The following KCNQ5 variants were observed in gnomAD, a reference collection of about 807,000 sequenced individuals.
KCNQ5 encodes the protein potassium voltage-gated channel subfamily Q member 5, also known as potassium voltage-gated channel subfamily KQT member 5.
Under a neutral mutation model 98.2 loss-of-function variants are expected in KCNQ5, and 30 were observed. The ratio of observed to expected loss-of-function variants is 0.31; its 90% CI spans 0.23 to 0.41. KCNQ5 has a LOEUF of 0.41. Among genes scored for constraint, KCNQ5 ranks in the 10% least tolerant of loss-of-function variants. KCNQ5 has a pLI of 1.00. For synonymous variants in KCNQ5, 458 were observed against 449.4 expected, an observed-to-expected ratio of 1.02 and a Z score of -0.24; for missense variants, 835 against 1,182.5, an observed-to-expected ratio of 0.71 and a Z score of 4.31.
At chr6:72,696,461 G>T (rs1451251686) in intron 1 of KCNQ5, among the ~76,000 whole-genome samples, 2 of 152,102 alleles carry the variant, frequency 1.3e-5, no homozygotes. Flanking sequence ...TTAAATGAGT[G>T]TATTAGGCTT....
intron 1 of KCNQ5, among the ~76,000 whole-genome samples, chr6:72,897,307 G>A (rs921509766): frequency 6.6e-6 from 1 of 152,068 alleles, no homozygotes; most frequent in Non-Finnish European, 1.5e-5. Flanking sequence ...TTGGGAGGCC[G>A]AGGCGGGTAG....
chr6:72,843,781 C>G (rs889296901), intron 1 of KCNQ5, among the ~76,000 whole-genome samples: 1 of 152,152 alleles, frequency 6.6e-6, no homozygotes, highest in Admixed American at 6.5e-5. Flanking sequence ...AGACTTGGAA[C>G]CAGCCCAAAT....
chr6:73,180,294 G>T (rs1159272089), intron 11 of KCNQ5, among the ~76,000 whole-genome samples: 1 of 152,154 alleles, frequency 6.6e-6, no homozygotes, highest in Non-Finnish European at 1.5e-5. Flanking sequence ...CAACGTCATA[G>T]GTACTCAATG....
intron 1 of KCNQ5, among the ~76,000 whole-genome samples, chr6:72,770,594 A>G (rs1772815989): frequency 6.6e-6 from 1 of 152,156 alleles, no homozygotes; most frequent in Admixed American, 6.6e-5. Context: ...TGAAATCAAT[A>G]ATTATTTCGA....
intron 3 of KCNQ5, among the ~76,000 whole-genome samples, chr6:73,070,516 G>A (rs1363807775): frequency 1.3e-5 from 2 of 152,100 alleles, no homozygotes; most frequent in Non-Finnish European, 2.9e-5. Flanking sequence ...TCTTACTTGT[G>A]TAATAGTCCA....
intron 1 of KCNQ5, among the ~76,000 whole-genome samples, chr6:72,687,619 G>T (rs1768019337): frequency 6.6e-6 from 1 of 152,198 alleles, no homozygotes; most frequent in Admixed American, 6.5e-5. Context: ...AAGCATACTT[G>T]AAGTGCTAGG....
rs564870445 is a variant in KCNQ5, at chr6:73,088,155, G to T, written c.918+10268G>T. On this transcript the variant is annotated intron_variant, in intron 5 of 13. Coordinates refer to ENST00000370398, the MANE Select transcript of KCNQ5 (RefSeq NM_019842.4). ...CCCTGCCTCACCCTCCTGAGTAGCT[G>T]GGATTACAGGCATGCACCACCACAC... Among the ~76,000 whole-genome samples the T allele has an allele frequency of 1.8e-3, 268 of 151,602 alleles. 4 individuals are homozygous for T. In the South Asian group the frequency reaches 0.023, roughly 13 times the overall value.
chr6:72,941,549 T>C (rs1276910504), intron 1 of KCNQ5, among the ~76,000 whole-genome samples: 2 of 67,986 alleles, frequency 2.9e-5, no homozygotes, highest in Non-Finnish European at 7.6e-5. Context: ...CTTCCTTTCC[T>C]TCTTCCCTCC....
At chr6:72,944,457 G>C (rs1008259751) in intron 1 of KCNQ5, among the ~76,000 whole-genome samples, 1 of 151,984 alleles carries the variant, frequency 6.6e-6, no homozygotes, top group Non-Finnish European at 1.5e-5. Context: ...ATTATTTCAG[G>C]ACCTATTCTA....
chr6:72,665,360 A>AAT (rs1766757767), intron 1 of KCNQ5, among the ~76,000 whole-genome samples: 1 of 150,596 alleles, frequency 6.6e-6, no homozygotes, highest in Non-Finnish European at 1.5e-5. Flanking sequence ...AAAAAAAAAA[A>AAT]TCTCAGTTTT....
intron 1 of KCNQ5, among the ~76,000 whole-genome samples, chr6:72,863,070 A>C (rs1402282637): frequency 6.6e-6 from 1 of 152,214 alleles, no homozygotes; most frequent in African/African-American, 2.4e-5. Flanking sequence ...CTTATGGCAG[A>C]CTAAATGACT....
chr6:72,649,263 G>A (rs1023436136), intron 1 of KCNQ5, among the ~76,000 whole-genome samples: 2 of 152,112 alleles, frequency 1.3e-5, no homozygotes, highest in South Asian at 2.1e-4. Context: ...GAATCTCTAC[G>A]TATTTTAAAA....
In KCNQ5 at chr6:73,141,003, A is replaced by G. The variant is rs79271377; in HGVS notation, c.1468+7362A>G. Reference sequence around the variant, plus strand: ...TCTCAATCTCTGGTTTCAGACCCCAAGTGACTACGTTATTTCTTGGATTTC... The same window carrying G: ...TCTCAATCTCTGGTTTCAGACCCCAGGTGACTACGTTATTTCTTGGATTTC... On this transcript the variant is annotated intron_variant, in intron 10 of 13. Transcript: ENST00000370398. Among the ~76,000 whole-genome samples the G allele has an allele frequency of 3.9e-5, 6 of 152,324 alleles. No individual in the cohort carries two copies. The East Asian group carries it at 9.6e-4, about 24-fold the overall frequency.
intron 1 of KCNQ5, among the ~76,000 whole-genome samples, chr6:72,639,605 G>A (rs1050407542): frequency 3.9e-5 from 6 of 152,144 alleles, no homozygotes; most frequent in African/African-American, 7.2e-5. Flanking sequence ...AGAGAGCCTC[G>A]AATGAAACCA....
intron 10 of KCNQ5, among the ~76,000 whole-genome samples, chr6:73,136,331 T>C (rs1376585709): frequency 2.6e-5 from 4 of 152,242 alleles, no homozygotes; most frequent in Non-Finnish European, 5.9e-5. Flanking sequence ...CTACTTGTAC[T>C]GTTTGGCCAG....
At chr6:73,099,483 A>C (rs1774669613) in intron 5 of KCNQ5, among the ~76,000 whole-genome samples, 1 of 152,218 alleles carries the variant, frequency 6.6e-6, no homozygotes, top group Non-Finnish European at 1.5e-5. Flanking sequence ...AGGGATAAAA[A>C]AAGATATCCC....
intron 1 of KCNQ5, among the ~76,000 whole-genome samples, chr6:72,791,181 A>G (rs1292225771): frequency 6.6e-6 from 1 of 152,254 alleles, no homozygotes; most frequent in Non-Finnish European, 1.5e-5. Context: ...AGCCAGCCAC[A>G]GGAGGAGCTA....
At chr6:72,743,972 A>G (rs1210457921) in intron 1 of KCNQ5, among the ~76,000 whole-genome samples, 1 of 152,208 alleles carries the variant, frequency 6.6e-6, no homozygotes, top group East Asian at 1.9e-4. Flanking sequence ...TCATGTCTAC[A>G]GGAGCTCAGC....
intron 5 of KCNQ5, among the ~76,000 whole-genome samples, chr6:73,096,189 G>T (rs1181411351): frequency 6.6e-6 from 1 of 152,110 alleles, no homozygotes; most frequent in African/African-American, 2.4e-5. Flanking sequence ...GATGTAGGCT[G>T]GGAGACTAAG....
Sources: allele counts gnomAD v4.1 joint callset (sites outside exome capture counted in the v4.1 genomes callset), GRCh38; gene constraint gnomAD v4.1.1; transcripts MANE v1.5; gene names NCBI Gene and HGNC (gene_info 2026-07-23, HGNC 2026-07-21).